SLC2A9: variants seen among roughly 807,000 people sequenced by gnomAD.
SLC2A9 encodes solute carrier family 2, facilitated glucose transporter member 9.
A neutral mutation model predicts 50.6 loss-of-function variants in SLC2A9; 39 were observed. That is an observed-to-expected ratio of 0.77 (90% CI 0.60 to 1.01). The LOEUF is 1.01. SLC2A9 is among the 50% of genes least tolerant of loss of function. The pLI is 0.00. For missense variants in SLC2A9, 686 were observed against 677.6 expected (o/e 1.01, Z -0.14); for synonymous variants, 324 against 276.9 (o/e 1.17, Z -1.69).
At chr4:9,965,068 T>A (rs1752852759) in intron 5 of SLC2A9, among the ~76,000 whole-genome samples, 1 of 152,262 alleles carries the variant, frequency 6.6e-6, no homozygotes, top group Non-Finnish European at 1.5e-5. Flanking sequence ...CCAGGCACTG[T>A]TCCAAGTGCT....
At chr4:10,020,085 G>A (rs1052578931) in intron 1 of SLC2A9, among the ~76,000 whole-genome samples, 5 of 150,900 alleles carry the variant, frequency 3.3e-5, no homozygotes, top group Non-Finnish European at 7.4e-5. Flanking sequence ...GTAGGCGCCA[G>A]GCCCTGACAA....
intron 2 of SLC2A9, among the ~76,000 whole-genome samples, chr4:9,997,574 C>T (rs1758918240): frequency 6.6e-6 from 1 of 152,050 alleles, no homozygotes; most frequent in Non-Finnish European, 1.5e-5. Context: ...GTGGCATGCA[C>T]CTGTAATCCC....
chr4:9,795,007 CTTTTTTT>C (rs3060726), downstream of SLC2A9, among the ~76,000 whole-genome samples: 1 of 95,184 alleles, frequency 1.1e-5, no homozygotes, highest in Non-Finnish European at 1.9e-5. Flanking sequence ...TTAACCCATC[CTTTTTTT>C]TTTTTTTTTT....
chr4:9,894,343 CAT>C (rs1257274440), intron 8 of SLC2A9, among the ~76,000 whole-genome samples: 1 of 152,120 alleles, frequency 6.6e-6, no homozygotes, highest in East Asian at 1.9e-4. Flanking sequence ...TATACTAAAA[CAT>C]GTAGTTATAT....
chr4:9,833,685 T>C (rs1726550813), intron 11 of SLC2A9, among the ~76,000 whole-genome samples: 1 of 152,172 alleles, frequency 6.6e-6, no homozygotes, highest in Admixed American at 6.5e-5. Context: ...GCAGAATCTC[T>C]GGGATGTGTT....
intron 5 of SLC2A9, among the ~76,000 whole-genome samples, chr4:9,973,667 C>T (rs928789480): frequency 3.4e-4 from 44 of 129,206 alleles, no homozygotes; most frequent in Non-Finnish European, 5.8e-4. Context: ...ACAATGAGAA[C>T]ACATGGACAC....
Position 9,871,818 on chromosome 4 carries a change from C to T in SLC2A9, c.1291+15749G>A, listed in dbSNP as rs535755832. ...ATAAAACCTATGAGTTATGACCTCT[C>T]AGAAACTCAGCCCTTCATGTGCAAA... On this transcript the variant is annotated intron_variant, in intron 10 of 11. Transcript: ENST00000264784. Among the ~76,000 whole-genome samples, 5 of 152,314 alleles carry T rather than the reference C, an allele frequency of 3.3e-5. No homozygotes were observed. The South Asian group carries it at 8.3e-4, about 25-fold the overall frequency.
At chr4:9,810,693 T>C (rs1470752726) in intron 3 of SLC2A9, among the ~76,000 whole-genome samples, 1 of 152,238 alleles carries the variant, frequency 6.6e-6, no homozygotes, top group African/African-American at 2.4e-5. Flanking sequence ...TGAGGGATTA[T>C]GGAATGAGAA....
intron 4 of SLC2A9, among the ~76,000 whole-genome samples, chr4:9,983,878 A>C (rs143161228): frequency 4.8e-4 from 73 of 152,364 alleles, no homozygotes; most frequent in African/African-American, 1.4e-3. Flanking sequence ...AAGTGAGAGC[A>C]TTCAGGCAGT....
At chr4:9,946,290 T>C (rs1464030743) in intron 5 of SLC2A9, among the ~76,000 whole-genome samples, 3 of 152,238 alleles carry the variant, frequency 2.0e-5, no homozygotes, top group African/African-American at 4.8e-5. Context: ...ATGTTTTAAA[T>C]AGACTTCCAG....
At chr4:10,004,493 C>T (rs970234753) in intron 2 of SLC2A9, among the ~76,000 whole-genome samples, 2 of 152,100 alleles carry the variant, frequency 1.3e-5, no homozygotes, top group Non-Finnish European at 2.9e-5. Context: ...TGTCAGCTGG[C>T]CAGCCACAGA....
intron 3 of SLC2A9, chr4:9,782,343 G>C (rs1205305697): frequency 3.1e-6 from 5 of 1,613,940 alleles, no homozygotes; most frequent in African/African-American, 1.3e-5. Flanking sequence ...GAGGTGGCCG[G>C]TTACTGGCCC....
chr4:9,915,849 G>A (rs548363288), intron 7 of SLC2A9, among the ~76,000 whole-genome samples: 4 of 152,272 alleles, frequency 2.6e-5, no homozygotes, highest in African/African-American at 4.8e-5. Flanking sequence ...GTGATTTCAG[G>A]AGAATCTTTT....
chr4:9,827,368 C>T (rs1725316860), intron 11 of SLC2A9, among the ~76,000 whole-genome samples: 1 of 152,186 alleles, frequency 6.6e-6, no homozygotes, highest in Admixed American at 6.5e-5. Flanking sequence ...GCATGAGCCA[C>T]CATTCCAGAA....
At chr4:9,943,963 T>C (rs1237529702) in intron 5 of SLC2A9, among the ~76,000 whole-genome samples, 2 of 152,210 alleles carry the variant, frequency 1.3e-5, no homozygotes, top group African/African-American at 4.8e-5. Context: ...GCGATTCCTG[T>C]GCTGAGGCCT....
chr4:9,889,297 G>A (rs1253893146), intron 9 of SLC2A9, among the ~76,000 whole-genome samples: 1 of 152,168 alleles, frequency 6.6e-6, no homozygotes, highest in African/African-American at 2.4e-5. Flanking sequence ...CCGGGGGCAG[G>A]GTGTGGGGCA....
chr4:9,782,239 C>T (rs1367070093), intron 3 of SLC2A9: 7 of 1,613,326 alleles, frequency 4.3e-6, no homozygotes, highest in Non-Finnish European at 5.1e-6. Flanking sequence ...GGAGCCGCCA[C>T]CTGCGCGCCA....
chr4:9,928,413 T>C (rs539081765), intron 6 of SLC2A9, among the ~76,000 whole-genome samples: 1 of 152,310 alleles, frequency 6.6e-6, no homozygotes, highest in African/African-American at 2.4e-5. Context: ...TAGACAAAGT[T>C]ATATACACAG....
intron 3 of SLC2A9, among the ~76,000 whole-genome samples, chr4:9,819,821 C>A (rs1396534937): frequency 6.6e-6 from 1 of 152,214 alleles, no homozygotes; most frequent in African/African-American, 2.4e-5. Context: ...GTAATCCTAG[C>A]TACTTGGGAG....
Sources: gnomAD v4.1 joint callset for allele counts (sites outside exome capture counted in the v4.1 genomes callset) on GRCh38, gnomAD v4.1.1 for gene constraint, MANE v1.5 for transcripts, NCBI Gene and HGNC (gene_info 2026-07-23, HGNC 2026-07-21) for gene names.